Variants in EOLA1 observed in about 807,000 individuals in gnomAD.
The protein encoded by EOLA1 is protein EOLA1.
A neutral mutation model predicts 4.5 loss-of-function variants in EOLA1; 1 was observed. The ratio of observed to expected loss-of-function variants is 0.22; its 90% CI spans 0.08 to 1.05. The LOEUF (loss-of-function observed/expected upper bound fraction) is 1.05. Ranked by LOEUF, EOLA1 falls within the 50% of genes least tolerant of loss-of-function variation. EOLA1 has a pLI of 0.57. For missense variants in EOLA1, 69 were observed against 127.2 expected (o/e 0.54, Z 2.20); for synonymous variants, 37 against 52.3 (o/e 0.71, Z 1.26).
chrX:149,548,043 G>A lies in EOLA1; in HGVS notation c.*1081G>A, dbSNP rs1170606285. On this transcript the variant is annotated 3_prime_UTR_variant, in exon 5 of 5. Coordinates refer to ENST00000393985, the MANE Select transcript of EOLA1 (RefSeq NM_001171907.3). Reference sequence around the variant, plus strand: ...ACCAGGTCTTCCTGGGCTTGGCCTCGACACTTCCTAGCAACATCCTTTGCT... The same window carrying A: ...ACCAGGTCTTCCTGGGCTTGGCCTCAACACTTCCTAGCAACATCCTTTGCT... 5.8e-4 allele frequency among the ~76,000 whole-genome samples: 60 copies of A among 103,020 alleles called. No homozygotes were observed. Among genetic ancestry groups the A allele is most frequent in the African/African-American group, 2.0e-3 (53 of 26,875 alleles). 89.5% of individuals were successfully genotyped at this position (103,020 alleles called of 115,157 possible). A position where few individuals can be genotyped will look rare whatever the true frequency, so the allele number is the denominator to read the frequency against.
At chrX:149,541,794 C>T in intron 1 of EOLA1, 1 of 755,521 alleles carries the variant, frequency 1.3e-6, no homozygotes, top group Non-Finnish European at 1.6e-6. Flanking sequence ...GCCCTGCGGG[C>T]TGGTGCACCC....
At chrX:149,549,094 C>G (rs370831693), downstream of EOLA1, among the ~76,000 whole-genome samples, 2 of 111,509 alleles carry the variant, frequency 1.8e-5, no homozygotes, top group East Asian at 5.6e-4. Flanking sequence ...AATATATAAA[C>G]AGCATGGATT....
Position 149,547,152 on chromosome X carries a change from G to C in EOLA1, c.*190G>C. ...GCTCAGATGAAGGAAGTAGGGGGTGGGGCTTTCCTTGTGTGATGCCTCCTT... is the reference window on the plus strand; with the variant it reads ...GCTCAGATGAAGGAAGTAGGGGGTGCGGCTTTCCTTGTGTGATGCCTCCTT... On this transcript the variant is annotated 3_prime_UTR_variant, in exon 5 of 5. Transcript: ENST00000393985. 2.0e-6 allele frequency: 2 copies of C among 1,015,679 alleles called. No individual in the cohort carries two copies. The highest frequency in any genetic ancestry group is 3.4e-5 in the East Asian group (1 of 29,257). The allele number at this position is 1,015,679 out of a possible 1,213,427, so 83.7% of individuals were successfully genotyped here. A position where few individuals can be genotyped will look rare whatever the true frequency, so the allele number is the denominator to read the frequency against.
chrX:149,547,583 C>G lies in EOLA1; in HGVS notation c.*621C>G, dbSNP rs2089873067. 1 of 214,983 alleles carries G rather than the reference C, an allele frequency of 4.7e-6. No individual in the cohort carries two copies. Among genetic ancestry groups the G allele is most frequent in the South Asian group, 2.6e-4 (1 of 3,879 alleles). The allele number at this position is 214,983 out of a possible 1,213,427, so 17.7% of individuals were successfully genotyped here. A position where few individuals can be genotyped will look rare whatever the true frequency, so the allele number is the denominator to read the frequency against. On this transcript the variant is annotated 3_prime_UTR_variant, in exon 5 of 5. Transcript: ENST00000393985. The stretch of plus-strand genomic sequence containing the variant: ...CATGTGTGTTACCTGCATCACACAG[C>G]TACTTCCTATCCTAGCAATACATCC...
In EOLA1 at chrX:149,544,519, T is replaced by C. The variant is rs182461542; in HGVS notation, c.-162-849T>C. 2.1e-3 allele frequency: 1,590 copies of C among 750,694 alleles called. 4 individuals carry two copies. Among genetic ancestry groups the C allele is most frequent in the Non-Finnish European group, 2.4e-3 (1,539 of 638,106 alleles). 61.9% of individuals were successfully genotyped at this position (750,694 alleles called of 1,213,427 possible). A position where few individuals can be genotyped will look rare whatever the true frequency, so the allele number is the denominator to read the frequency against. On this transcript the variant is annotated intron_variant, in intron 2 of 4. Transcript: ENST00000393985. ...GGGCAGCCACTATTTCTGACTGTTCTATTAGGTGCCACGTACTGGGCTGGG... is the reference window on the plus strand; with the variant it reads ...GGGCAGCCACTATTTCTGACTGTTCCATTAGGTGCCACGTACTGGGCTGGG...
intron 1 of EOLA1, 139 bp downstream of exon 1, chrX:149,541,482 C>T (rs1421208973): frequency 3.0e-4 from 34 of 112,806 alleles, no homozygotes; most frequent in Middle Eastern, 4.2e-3. Flanking sequence ...CGACGTGCGT[C>T]TGCGAGTAGA....
intron 2 of EOLA1, chrX:149,544,616 G>A: frequency 1.3e-6 from 1 of 753,313 alleles, no homozygotes; most frequent in Non-Finnish European, 1.6e-6. Context: ...CTATGACTGG[G>A]CTGAGGTTCT....
At chrX:149,545,254 G>C (rs1557347388) in intron 2 of EOLA1, 114 bp from the exon 3 acceptor site, 1 of 764,317 alleles carries the variant, frequency 1.3e-6, no homozygotes, top group Non-Finnish European at 1.6e-6. Context: ...CACCAGCCCG[G>C]ACTCTCCACT....
chrX:149,546,794 G>A lies in EOLA1; in HGVS notation c.309G>A (p.Glu103=), dbSNP rs1602816703. ...LQCPEDLTPD[E]VVELENQAVL... ...GCCCCGAAGACTTAACTCCCGATGA[G>A]GTTGTGGAACTAGAAAATCAAGCTG... The change falls in exon 5 of 5, where the codon GAG becomes GAA. Residue 103 remains glutamate (E), a synonymous_variant. Coordinates refer to ENST00000393985, the MANE Select transcript of EOLA1 (RefSeq NM_001171907.3). 1 of 1,211,191 alleles carries A rather than the reference G, an allele frequency of 8.3e-7. No homozygotes were observed. Among genetic ancestry groups the A allele is most frequent in the Non-Finnish European group, 1.1e-6 (1 of 895,274 alleles).
rs782515544 is a variant in EOLA1, at chrX:149,545,099, C to T, written c.-162-269C>T. On this transcript the variant is annotated intron_variant, in intron 2 of 4. Coordinates refer to ENST00000393985, the MANE Select transcript of EOLA1 (RefSeq NM_001171907.3). The stretch of plus-strand genomic sequence containing the variant: ...TGAGATTGGATATCAACGATGTGGG[C>T]TCAGCAGCCCTGGAGTAGGAGCTGG... 5.5e-4 allele frequency: 345 copies of T among 628,392 alleles called. 1 individual carries two copies. In the African/African-American group the frequency reaches 8.3e-3, roughly 15 times the overall value. 51.8% of individuals were successfully genotyped at this position (628,392 alleles called of 1,213,427 possible).
intron 2 of EOLA1, chrX:149,545,114 G>A: frequency 1.8e-6 from 1 of 559,464 alleles, no homozygotes; most frequent in Middle Eastern, 1.1e-3. Context: ...CAGCCCTGGA[G>A]TAGGAGCTGG....
At chrX:149,544,889 G>A (rs2089807040) in intron 2 of EOLA1, 5 of 754,200 alleles carry the variant, frequency 6.6e-6, no homozygotes, top group Non-Finnish European at 6.3e-6. Context: ...AGGCATGTGT[G>A]TGGGGTTGCT....
chrX:149,546,488 T>G (rs1190655135), intron 4 of EOLA1, among the ~76,000 whole-genome samples: 1 of 109,078 alleles, frequency 9.2e-6, no homozygotes, highest in Non-Finnish European at 1.9e-5. Flanking sequence ...CTCTTACTTG[T>G]GTGGCTTCAT....
chrX:149,547,738 G>T lies in EOLA1; in HGVS notation c.*776G>T. ...TAGTTGTTATCCATGAGGATGATGG[G>T]CATTTCCCCCCAGGTATTGACTGCA... On this transcript the variant is annotated 3_prime_UTR_variant, in exon 5 of 5. Coordinates refer to ENST00000393985, the MANE Select transcript of EOLA1 (RefSeq NM_001171907.3). 2.4e-6 allele frequency: 1 copy of T among 410,341 alleles called. No individual in the cohort carries two copies. The highest frequency in any genetic ancestry group is 3.0e-6 in the Non-Finnish European group (1 of 332,792). The allele number at this position is 410,341 out of a possible 1,213,427, so 33.8% of individuals were successfully genotyped here.
chrX:149,548,476 A>C, downstream of EOLA1: 1 of 932,683 alleles, frequency 1.1e-6, no homozygotes. Context: ...TATTGTACAA[A>C]GACATTACAC....
chrX:149,545,560 G>T, intron 3 of EOLA1, 42 bp from the exon 4 acceptor site: 2 of 1,181,002 alleles, frequency 1.7e-6, no homozygotes, highest in Non-Finnish European at 2.3e-6. Flanking sequence ...CTGCCCATGA[G>T]CTTGGAGGGC....
Position 149,547,393 on chromosome X carries a change from G to A in EOLA1, c.*431G>A. 1 of 776,171 alleles carries A rather than the reference G, an allele frequency of 1.3e-6. No individual in the cohort carries two copies. The highest frequency in any genetic ancestry group is 6.3e-5 in the South Asian group (1 of 15,869). The allele number at this position is 776,171 out of a possible 1,213,427, so 64.0% of individuals were successfully genotyped here. Reference sequence around the variant, plus strand: ...CATCAAATGTGTAACTAGCATCCAGGCGACAATACAGAAAGTCTGGGACCT... The same window carrying A: ...CATCAAATGTGTAACTAGCATCCAGACGACAATACAGAAAGTCTGGGACCT... On this transcript the variant is annotated 3_prime_UTR_variant, in exon 5 of 5. Transcript: ENST00000393985.
At position 149,544,739 on chromosome X, in the gene EOLA1, G is replaced by C. The variant is rs1225250439; in HGVS notation, c.-162-629G>C. 9.3e-6 allele frequency: 7 copies of C among 750,032 alleles called. No homozygotes were observed. The African/African-American group carries it at 1.4e-4, about 15-fold the overall frequency. 61.8% of individuals were successfully genotyped at this position (750,032 alleles called of 1,213,427 possible). On this transcript the variant is annotated intron_variant, in intron 2 of 4. Coordinates refer to ENST00000393985, the MANE Select transcript of EOLA1 (RefSeq NM_001171907.3). ...GCTGGGCAAGAGTTGTGGGAAGTCAGAGCCCGTGTGACTGTGGGCTGGTGC... is the reference window on the plus strand; with the variant it reads ...GCTGGGCAAGAGTTGTGGGAAGTCACAGCCCGTGTGACTGTGGGCTGGTGC...
chrX:149,549,275 CT>C (rs2089895027), downstream of EOLA1: 2 of 1,099,460 alleles, frequency 1.8e-6, no homozygotes, highest in African/African-American at 3.8e-5. Flanking sequence ...ATCCTTGACA[CT>C]TAAGCTCTTA....
Sources: allele counts gnomAD v4.1 joint callset (sites outside exome capture counted in the v4.1 genomes callset), GRCh38; gene constraint gnomAD v4.1.1; transcripts MANE v1.5; gene names NCBI Gene and HGNC (gene_info 2026-07-23, HGNC 2026-07-21).